MAST4: variants seen among roughly 807,000 people sequenced by gnomAD.
The protein encoded by MAST4 is microtubule-associated serine/threonine-protein kinase 4.
MAST4 carries 89 observed loss-of-function variants against 162.7 expected under a neutral mutation model. That is an observed-to-expected ratio of 0.55 (90% CI 0.46 to 0.65). The LOEUF (loss-of-function observed/expected upper bound fraction) is 0.65. Among genes scored for constraint, MAST4 ranks in the 30% least tolerant of loss-of-function variants. The pLI is 0.00. For synonymous variants in MAST4, 1,479 were observed against 1,361.1 expected (o/e 1.09, Z -1.91); for missense variants, 3,153 against 3,374.0 (o/e 0.93, Z 1.62).
chr5:67,060,535 T>G (rs1322921930), intron 5 of MAST4, among the ~76,000 whole-genome samples: 1 of 147,042 alleles, frequency 6.8e-6, no homozygotes, highest in Admixed American at 7.1e-5. Context: ...TGGAGTGCAG[T>G]GGAGCGATCT....
At chr5:67,143,754 A>G (rs572555233) in intron 21 of MAST4, among the ~76,000 whole-genome samples, 1 of 152,314 alleles carries the variant, frequency 6.6e-6, no homozygotes, top group Admixed American at 6.5e-5. Flanking sequence ...AGCTTTGCTA[A>G]GTGTGGACTC....
chr5:66,820,934 A>G (rs1236478051), intron 3 of MAST4, among the ~76,000 whole-genome samples: 1 of 152,230 alleles, frequency 6.6e-6, no homozygotes, highest in Non-Finnish European at 1.5e-5. Context: ...CTTTCTTGTG[A>G]AAAGCCTTAA....
Position 66,787,549 on chromosome 5 carries a change from A to G in MAST4, c.518-1121A>G, listed in dbSNP as rs1755173544. Among the ~76,000 whole-genome samples, 3 of 152,226 alleles carry G rather than the reference A, an allele frequency of 2.0e-5. No individual in the cohort carries two copies. In the South Asian group the frequency reaches 6.2e-4, roughly 31 times the overall value. ...GTGCAGTAATGGTAAACTAGTTAAT[A>G]CACTGCAATCGTTATTAACCAGTAC... On this transcript the variant is annotated intron_variant, in intron 2 of 28. Coordinates refer to ENST00000403625, the MANE Select transcript of MAST4 (RefSeq NM_001164664.2).
intron 1 of MAST4, among the ~76,000 whole-genome samples, chr5:66,604,842 C>T (rs918964909): frequency 1.3e-5 from 2 of 152,198 alleles, no homozygotes; most frequent in African/African-American, 4.8e-5. Flanking sequence ...CTCAGGGCCT[C>T]ATCAGTGGTA....
chr5:67,054,311 T>A (rs1033706743), intron 4 of MAST4, 93 bp from the exon 5 acceptor site: 58 of 940,794 alleles, frequency 6.2e-5, no homozygotes, highest in Non-Finnish European at 8.6e-5. Flanking sequence ...AGCAGATAGG[T>A]TGCTCAACCT....
At chr5:66,797,341 C>T (rs1176022576) in intron 3 of MAST4, among the ~76,000 whole-genome samples, 1 of 152,128 alleles carries the variant, frequency 6.6e-6, no homozygotes, top group Non-Finnish European at 1.5e-5. Context: ...TATTGTGGCT[C>T]TGGGAAAACA....
At chr5:67,148,355 C>T (rs544863125) in intron 23 of MAST4, among the ~76,000 whole-genome samples, 10 of 152,116 alleles carry the variant, frequency 6.6e-5, no homozygotes, top group Admixed American at 1.3e-4. Flanking sequence ...GATAGAAAAC[C>T]GATAACCTGG....
At chr5:66,698,227 G>GCAGCTGAGTATCTTGGAGA (rs1490436872) in intron 1 of MAST4, among the ~76,000 whole-genome samples, 1 of 151,902 alleles carries the variant, frequency 6.6e-6, no homozygotes, top group Non-Finnish European at 1.5e-5. Context: ...CTTAGTTCCC[G>GCAGCTGAGTATCTTGGAGA]CAGCTGAGTA....
At chr5:66,902,184 A>G (rs1763053658) in intron 4 of MAST4, among the ~76,000 whole-genome samples, 2 of 152,196 alleles carry the variant, frequency 1.3e-5, no homozygotes, top group Admixed American at 6.5e-5. Context: ...TATTAACAGT[A>G]AGCAACTGCA....
intron 8 of MAST4, among the ~76,000 whole-genome samples, 193 bp downstream of exon 8, chr5:67,100,785 A>G (rs1764939622): frequency 6.6e-6 from 1 of 152,170 alleles, no homozygotes; most frequent in South Asian, 2.1e-4. Context: ...TTTCCTTTTC[A>G]GTTCTCACAA....
chr5:66,963,896 G>A, intron 4 of MAST4: 2 of 764,388 alleles, frequency 2.6e-6, no homozygotes, highest in South Asian at 1.4e-5. Flanking sequence ...TCCACAGGGT[G>A]AGGAAACTGG....
At chr5:66,651,206 T>C (rs1746195195) in intron 1 of MAST4, among the ~76,000 whole-genome samples, 1 of 152,034 alleles carries the variant, frequency 6.6e-6, no homozygotes, top group Non-Finnish European at 1.5e-5. Flanking sequence ...AAAGTACGTC[T>C]CATACAGTGT....
intron 3 of MAST4, among the ~76,000 whole-genome samples, chr5:66,799,436 G>T (rs1755809671): frequency 6.6e-6 from 1 of 152,150 alleles, no homozygotes; most frequent in Non-Finnish European, 1.5e-5. Context: ...AAAATGGCCT[G>T]AATGCCTAAA....
chr5:67,094,174 T>G (rs768897936), intron 6 of MAST4: 4 of 1,496,194 alleles, frequency 2.7e-6, no homozygotes, highest in Non-Finnish European at 3.6e-6. Context: ...AGGTAAATTT[T>G]ACTAAAATCT....
intron 1 of MAST4, among the ~76,000 whole-genome samples, chr5:66,734,168 T>A (rs1438889713): frequency 6.6e-6 from 1 of 152,232 alleles, no homozygotes; most frequent in Non-Finnish European, 1.5e-5. Flanking sequence ...TGACCTTGTA[T>A]GTATCTGCAT....
intron 4 of MAST4, among the ~76,000 whole-genome samples, chr5:66,925,027 T>C (rs991861756): frequency 2.6e-5 from 4 of 152,218 alleles, no homozygotes; most frequent in African/African-American, 9.6e-5. Context: ...AAGAATAAGA[T>C]AGTTTTTACC....
chr5:66,740,517 C>A (rs1192818725), intron 1 of MAST4, among the ~76,000 whole-genome samples: 1 of 152,212 alleles, frequency 6.6e-6, no homozygotes, highest in Non-Finnish European at 1.5e-5. Flanking sequence ...CTGTGCTTGG[C>A]TCACAGAAGG....
At chr5:66,965,595 G>GT (rs1190021084) in intron 4 of MAST4, among the ~76,000 whole-genome samples, 1 of 122,290 alleles carries the variant, frequency 8.2e-6, no homozygotes, top group African/African-American at 3.0e-5. Flanking sequence ...GGCGGGGGGG[G>GT]GGGCGGTGAA....
intron 3 of MAST4, among the ~76,000 whole-genome samples, chr5:66,794,411 A>G (rs1163807470): frequency 6.6e-6 from 1 of 152,238 alleles, no homozygotes; most frequent in African/African-American, 2.4e-5. Flanking sequence ...ACTCTTGTAC[A>G]GTACTTTGCA....
Sources: allele counts gnomAD v4.1 joint callset (sites outside exome capture counted in the v4.1 genomes callset), GRCh38; gene constraint gnomAD v4.1.1; transcripts MANE v1.5; gene names NCBI Gene and HGNC (gene_info 2026-07-23, HGNC 2026-07-21).